Variants in TENM2 observed in about 807,000 individuals in gnomAD.
TENM2 encodes the protein teneurin transmembrane protein 2, also known as teneurin-2.
Under a neutral mutation model 245.2 loss-of-function variants are expected in TENM2, and 52 were observed. The observed-to-expected ratio is 0.21, with a 90% CI of 0.17 to 0.27. TENM2 has a LOEUF of 0.27. TENM2 is among the 10% of genes least tolerant of loss of function. The pLI is 1.00. For missense variants in TENM2, 3,046 were observed against 3,666.8 expected (o/e 0.83, Z 4.37); for synonymous variants, 1,363 against 1,438.9 (o/e 0.95, Z 1.19).
At chr5:167,876,112 T>C (rs1773402915) in exon 3 of TENM2, 1 of 1,551,442 alleles carries the variant, frequency 6.4e-7, no homozygotes, top group Admixed American at 2.0e-5. Flanking sequence ...CATCAAATCA[T>C]GGACACCAAC....
chr5:167,600,042 AGGCTGAGGCGGG>A (rs1471068228), intron 2 of TENM2, among the ~76,000 whole-genome samples: 12 of 116,332 alleles, frequency 1.0e-4, no homozygotes, highest in South Asian at 2.7e-4. Context: ...GCTACTCGAG[AGGCTGAGGCGGG>A]AGAATTGCTT....
Position 167,976,138 on chromosome 5 carries a change from TTTCCTTCCTTCCTTCATCCATC to T in TENM2, c.948-16804_948-16783del, listed in dbSNP as rs567003075. ...TTTATATACCTTCCTCTTTCTCTTC[TTTCCTTCCTTCCTTCATCCATC>T]TACCCAGCAAATGCATCTTGAGCAC... is the stretch of plus-strand genomic sequence containing the variant. On this transcript the variant is annotated intron_variant, in intron 4 of 28. Transcript: ENST00000518659. 1.3e-3 allele frequency among the ~76,000 whole-genome samples: 205 copies of T among 152,290 alleles called. 1 individual carries two copies. Among genetic ancestry groups the T allele is most frequent in the South Asian group, 7.0e-3 (34 of 4,828 alleles).
the TENM2 span, among the ~76,000 whole-genome samples, chr5:167,269,140 T>A: frequency 2.0e-5 from 3 of 152,164 alleles, no homozygotes; most frequent in Non-Finnish European, 4.4e-5. Context: ...TCACAAAATT[T>A]GTATGAAAAT....
chr5:167,438,381 G>A (rs1764688234), intron 2 of TENM2, among the ~76,000 whole-genome samples: 1 of 152,140 alleles, frequency 6.6e-6, no homozygotes, highest in Non-Finnish European at 1.5e-5. Context: ...CTTACAAAAT[G>A]GTGTTCTTCT....
chr5:168,035,242 T>C (rs1787555404), intron 5 of TENM2, among the ~76,000 whole-genome samples: 3 of 152,216 alleles, frequency 2.0e-5, no homozygotes, highest in African/African-American at 7.2e-5. Context: ...GTGCAGTGGC[T>C]CACGCCTGTA....
At chr5:167,210,116 A>T in the TENM2 span, among the ~76,000 whole-genome samples, 1 of 152,212 alleles carries the variant, frequency 6.6e-6, no homozygotes, top group Non-Finnish European at 1.5e-5. Flanking sequence ...CCACAGGATA[A>T]CTTCATAAAG....
At chr5:167,856,218 G>C (rs1320919681) in intron 2 of TENM2, among the ~76,000 whole-genome samples, 1 of 152,030 alleles carries the variant, frequency 6.6e-6, no homozygotes, top group Non-Finnish European at 1.5e-5. Flanking sequence ...TCTCTGCTTG[G>C]ACATTGACCA....
intron 13 of TENM2, among the ~76,000 whole-genome samples, chr5:168,165,426 A>G (rs1758132928): frequency 6.6e-6 from 1 of 152,120 alleles, no homozygotes; most frequent in African/African-American, 2.4e-5. Context: ...TGAAAGCATA[A>G]CAAATGGCTG....
intron 2 of TENM2, among the ~76,000 whole-genome samples, chr5:167,872,545 AAAGAGAAAGAAAG>A: frequency 1.8e-5 from 1 of 54,962 alleles, no homozygotes; most frequent in South Asian, 6.0e-4. Flanking sequence ...AGAAAGAAAG[AAAGAGAAAGAAAG>A]AAAGAAAGAA....
At chr5:167,002,290 T>A in the TENM2 span, among the ~76,000 whole-genome samples, 1 of 152,130 alleles carries the variant, frequency 6.6e-6, no homozygotes, top group Non-Finnish European at 1.5e-5. Context: ...TATATTAAAT[T>A]GTATGTGAAC....
intron 5 of TENM2, among the ~76,000 whole-genome samples, chr5:168,022,225 G>C (rs889343821): frequency 6.6e-6 from 1 of 152,228 alleles, no homozygotes; most frequent in Non-Finnish European, 1.5e-5. Context: ...AAGAGCAGCC[G>C]GGAGCTCCGC....
intron 7 of TENM2, among the ~76,000 whole-genome samples, chr5:168,084,552 T>G (rs1356418236): frequency 6.6e-6 from 1 of 152,186 alleles, no homozygotes; most frequent in Non-Finnish European, 1.5e-5. Context: ...ATGATATTTA[T>G]GCAAAGGCAG....
chr5:168,090,692 A>G (rs1161634608), exon 8 of TENM2: 2 of 1,613,908 alleles, frequency 1.2e-6, no homozygotes, highest in East Asian at 4.5e-5. Flanking sequence ...CAGTACCTGG[A>G]TGTGGGCCTG....
chr5:167,156,271 A>G, the TENM2 span, among the ~76,000 whole-genome samples: 1 of 152,262 alleles, frequency 6.6e-6, no homozygotes, highest in East Asian at 1.9e-4. Context: ...GATAAGTTTC[A>G]GGCTTGGTTC....
rs1018280515 is a variant in TENM2 at position 167,438,460 on chromosome 5, C to T, written c.502+62987C>T. 8.5e-5 allele frequency among the ~76,000 whole-genome samples: 13 copies of T among 152,282 alleles called. No individual in the cohort carries two copies. In the East Asian group the frequency reaches 1.2e-3, roughly 14 times the overall value. On this transcript the variant is annotated intron_variant, in intron 2 of 28. Transcript: ENST00000518659. The stretch of plus-strand genomic sequence containing the variant: ...AGGCTGGAGTGCAGTGGCGCCATCT[C>T]GGCTCACTGCAAGCTCTGCCTCCTG...
At chr5:167,755,067 C>A in intron 2 of TENM2, 3 of 1,598,258 alleles carry the variant, frequency 1.9e-6, no homozygotes, top group Admixed American at 3.3e-5. Context: ...GTGAGCCCAC[C>A]TCTCCTGATC....
At chr5:168,208,910 A>G (rs1762581212) in intron 19 of TENM2, among the ~76,000 whole-genome samples, 1 of 152,246 alleles carries the variant, frequency 6.6e-6, no homozygotes, top group Non-Finnish European at 1.5e-5. Context: ...CAAAGTTTAG[A>G]AAAGCCAATT....
At chr5:167,754,438 C>T (rs1223132947) in intron 2 of TENM2, among the ~76,000 whole-genome samples, 2 of 152,114 alleles carry the variant, frequency 1.3e-5, no homozygotes, top group Non-Finnish European at 2.9e-5. Flanking sequence ...ACATCTCGTC[C>T]TTCTGGATTT....
chr5:167,603,841 A>G (rs1776827720), intron 2 of TENM2, among the ~76,000 whole-genome samples: 1 of 152,208 alleles, frequency 6.6e-6, no homozygotes, highest in South Asian at 2.1e-4. Flanking sequence ...AAGACATAGA[A>G]GGAATGATTA....
Sources: gnomAD v4.1 joint callset for allele counts (sites outside exome capture counted in the v4.1 genomes callset) on GRCh38, gnomAD v4.1.1 for gene constraint, MANE v1.5 for transcripts, NCBI Gene and HGNC (gene_info 2026-07-23, HGNC 2026-07-21) for gene names.